The following MCF2L variants were observed in gnomAD, a reference collection of about 807,000 sequenced individuals.
MCF2L encodes the protein MCF.2 cell line derived transforming sequence like, also known as guanine nucleotide exchange factor DBS.
In MCF2L, 97 loss-of-function variants were observed where a neutral mutation model predicts 153.4. That is an observed-to-expected ratio of 0.63 (90% CI 0.54 to 0.75). The LOEUF (loss-of-function observed/expected upper bound fraction) is 0.75. Among genes scored for constraint, MCF2L ranks in the 30% least tolerant of loss-of-function variants. The probability of loss-of-function intolerance (pLI) is 0.00; values close to 1 mark genes in which losing one functional copy is unlikely to be tolerated. For missense variants in MCF2L, 1,347 were observed against 1,495.2 expected, an observed-to-expected ratio of 0.90 and a Z score of 1.64; for synonymous variants, 659 against 632.2, an observed-to-expected ratio of 1.04 and a Z score of -0.64.
chr13:112,990,031 C>A (rs1037184257), intron 1 of MCF2L, among the ~76,000 whole-genome samples: 2 of 152,170 alleles, frequency 1.3e-5, no homozygotes, highest in Non-Finnish European at 2.9e-5. Context: ...TGACAGGAGG[C>A]GGAGCTCAGG....
At chr13:113,012,525 A>G (rs1182239803) in intron 1 of MCF2L, among the ~76,000 whole-genome samples, 910 of 69,704 alleles carry the variant, frequency 0.013, 24 homozygotes, top group African/African-American at 0.023. Context: ...TGGACACTGC[A>G]ATGAGGACGG....
intron 1 of MCF2L, among the ~76,000 whole-genome samples, chr13:113,005,517 C>T (rs866744150): frequency 4.7e-5 from 7 of 147,716 alleles, no homozygotes; most frequent in Admixed American, 1.3e-4. Context: ...TTGTGGTGGC[C>T]GTGGTCTGTT....
Position 113,088,372 on chromosome 13 carries a change from A to G in MCF2L, c.2734A>G (p.Lys912Glu), listed in dbSNP as rs1481372663. 6.2e-7 allele frequency: 1 copy of G among 1,614,056 alleles called. No individual in the cohort carries two copies. Residue 912 changes from lysine to glutamate, a missense_variant, in exon 24 of 30, where the codon AAA becomes GAA. Lys to Glu is a moderately conservative substitution (Grantham distance 56, BLOSUM62 1). Transcript: ENST00000535094. ...IKAAWVNEIR[K>E]VLTSQLQACR... ...AGCCGCGTGGGTGAATGAAATTCGGAAAGTGCTGACCAGCCAGCTGCAGGC... is the reference window on the plus strand; with the variant it reads ...AGCCGCGTGGGTGAATGAAATTCGGGAAGTGCTGACCAGCCAGCTGCAGGC...
chr13:112,918,703 T>C (rs953679026), intron 2 of MCF2L, among the ~76,000 whole-genome samples: 9 of 152,200 alleles, frequency 5.9e-5, no homozygotes, highest in Admixed American at 3.9e-4. Context: ...TGGGAGGTGC[T>C]GTGGATATAA....
intron 2 of MCF2L, among the ~76,000 whole-genome samples, chr13:112,937,203 GC>G (rs1350204364): frequency 6.6e-6 from 1 of 152,046 alleles, no homozygotes; most frequent in Admixed American, 6.6e-5. Context: ...ATAGGCACCT[GC>G]CACCACGCCC....
chr13:112,938,244 G>A (rs907844812), intron 2 of MCF2L, among the ~76,000 whole-genome samples: 13 of 110,330 alleles, frequency 1.2e-4, no homozygotes, highest in African/African-American at 4.6e-4. Context: ...TGAGGGGTTG[G>A]TTCAGGTGAG....
intron 2 of MCF2L, among the ~76,000 whole-genome samples, chr13:112,945,546 G>A (rs1054334873): frequency 9.2e-5 from 14 of 152,212 alleles, no homozygotes; most frequent in Non-Finnish European, 1.8e-4. Flanking sequence ...TTTGTTTAAA[G>A]TAGTCACTGC....
chr13:112,943,866 C>T lies in MCF2L; in HGVS notation c.169+41495C>T, dbSNP rs2081603837. ...GGGATCTCGGTGGCAGCGGGGACAG[C>T]GCGGCCCCGAGAACTGAGAACTGAG... On this transcript the variant is annotated intron_variant, in intron 2 of 29. Transcript: ENST00000375608. This position sits in a 1 kb window ranked among gnomAD's most constrained non-coding sequence, Gnocchi z 4.2. Among the ~76,000 whole-genome samples the T allele has an allele frequency of 6.6e-6, 1 of 151,626 alleles. No individual in the cohort carries two copies. Among genetic ancestry groups the T allele is most frequent in the Admixed American group, 6.6e-5 (1 of 15,240 alleles).
intron 2 of MCF2L, among the ~76,000 whole-genome samples, chr13:112,913,107 CTGTA>C (rs920282164): frequency 3.0e-4 from 42 of 138,200 alleles, no homozygotes; most frequent in African/African-American, 9.0e-4. Context: ...ATTTCTGTGT[CTGTA>C]TGTATGGGAT....
chr13:112,903,350 G>A (rs186726699), intron 2 of MCF2L, among the ~76,000 whole-genome samples: 4 of 152,306 alleles, frequency 2.6e-5, no homozygotes, highest in South Asian at 4.1e-4. Flanking sequence ...TGAGACTTTC[G>A]CATTCAGAGT....
chr13:112,960,425 TG>T lies in MCF2L; in HGVS notation c.170-54333del, dbSNP rs2081811166. Among the ~76,000 whole-genome samples the T allele has an allele frequency of 6.6e-6, 1 of 152,128 alleles. No individual in the cohort carries two copies. The highest frequency in any genetic ancestry group is 2.4e-5 in the African/African-American group (1 of 41,422). ...GGTGAGGTTTCCCACACACGACCTTTGGGGGACACATTAAACCCCAGCAGAC... is the reference window on the plus strand; with the variant it reads ...GGTGAGGTTTCCCACACACGACCTTTGGGGACACATTAAACCCCAGCAGAC... On this transcript the variant is annotated intron_variant, in intron 2 of 29. Coordinates refer to the MCF2L transcript ENST00000375608. The surrounding 1 kb of genome is among the most constrained non-coding windows in gnomAD (Gnocchi z 4.2).
At chr13:113,069,454 G>A (rs2032626130) in intron 8 of MCF2L, among the ~76,000 whole-genome samples, 1 of 62,372 alleles carries the variant, frequency 1.6e-5, no homozygotes, top group Admixed American at 1.6e-4. Flanking sequence ...CCAGCTACTC[G>A]GAGGCAGAGG....
At chr13:113,017,025 C>T (rs1487045454) in intron 2 of MCF2L, among the ~76,000 whole-genome samples, 3 of 152,218 alleles carry the variant, frequency 2.0e-5, no homozygotes, top group Non-Finnish European at 2.9e-5. Context: ...GGATCCAGGT[C>T]GTAGCAGCAG....
At position 113,011,664 on chromosome 13, in the gene MCF2L, T is replaced by A. The variant is rs9549335; in HGVS notation, c.80-3099T>A. Among the ~76,000 whole-genome samples, 3 of 62,744 alleles carry A rather than the reference T, an allele frequency of 4.8e-5. 1 individual carries two copies. The highest frequency in any genetic ancestry group is 1.1e-3 in the East Asian group (2 of 1,802). The allele number at this position is 62,744 out of a possible 152,430, so 41.2% of individuals were successfully genotyped here. On this transcript the variant is annotated intron_variant, in intron 1 of 29. Transcript: ENST00000535094. ...GACAGGCAGTGTGGACGGTGGACAC[T>A]GTGATGCAGACGGTGGACAGGCGGT...
intron 2 of MCF2L, among the ~76,000 whole-genome samples, chr13:112,937,896 G>A (rs1350854310): frequency 2.0e-5 from 3 of 152,202 alleles, no homozygotes; most frequent in Non-Finnish European, 4.4e-5. Flanking sequence ...TGATGTGCTG[G>A]TTCAGGTGAG....
At chr13:113,025,359 G>A (rs79068293) in intron 3 of MCF2L, among the ~76,000 whole-genome samples, 37 of 17,408 alleles carry the variant, frequency 2.1e-3, no homozygotes, top group African/African-American at 6.7e-3. Flanking sequence ...GTGAGGTTTC[G>A]TCATGGTGGG....
chr13:113,055,834 G>A (rs1010603118), intron 4 of MCF2L, among the ~76,000 whole-genome samples: 13 of 152,220 alleles, frequency 8.5e-5, no homozygotes, highest in South Asian at 2.1e-4. Context: ...ATGTCCAGGC[G>A]TCGTGTGAGA....
chr13:113,013,306 G>A (rs1310839607), intron 1 of MCF2L, among the ~76,000 whole-genome samples: 1 of 152,204 alleles, frequency 6.6e-6, no homozygotes, highest in Non-Finnish European at 1.5e-5. Context: ...GAATGGGTCT[G>A]TGCCCTGAGC....
At chr13:112,930,984 C>T in intron 2 of MCF2L, among the ~76,000 whole-genome samples, 1 of 152,074 alleles carries the variant, frequency 6.6e-6, no homozygotes, top group African/African-American at 2.4e-5. Flanking sequence ...CAGAGGGGTC[C>T]CCGGAAGGAA....
Sources: allele counts gnomAD v4.1 joint callset (sites outside exome capture counted in the v4.1 genomes callset), GRCh38; gene constraint gnomAD v4.1.1; non-coding constraint Gnocchi (gnomAD v3.1); transcripts MANE v1.5; gene names NCBI Gene and HGNC (gene_info 2026-07-23, HGNC 2026-07-21).